Variants in DPP10 observed in about 807,000 individuals in gnomAD.
DPP10 encodes the protein inactive dipeptidyl peptidase 10.
DPP10 carries 33 observed loss-of-function variants against 120.9 expected under a neutral mutation model. The observed-to-expected ratio is 0.27, with a 90% CI of 0.21 to 0.37. The LOEUF (loss-of-function observed/expected upper bound fraction) is 0.37. DPP10 is among the 10% of genes least tolerant of loss of function. The probability of loss-of-function intolerance (pLI) is 1.00; values close to 1 mark genes in which losing one functional copy is unlikely to be tolerated. For missense variants in DPP10, 816 were observed against 942.8 expected (o/e 0.87, Z 1.76); for synonymous variants, 337 against 326.1 (o/e 1.03, Z -0.36).
At chr2:115,642,228 G>T (rs1558967635) in intron 5 of DPP10, among the ~76,000 whole-genome samples, 1 of 151,862 alleles carries the variant, frequency 6.6e-6, no homozygotes, top group Non-Finnish European at 1.5e-5. Context: ...TTAATTCCGT[G>T]TGTCAGTTTT....
chr2:114,925,834 T>C (rs1450651207), intron 1 of DPP10, among the ~76,000 whole-genome samples: 1 of 152,094 alleles, frequency 6.6e-6, no homozygotes, highest in Non-Finnish European at 1.5e-5. Flanking sequence ...GCTAAAATCA[T>C]CCACAGGCTA....
intron 2 of DPP10, among the ~76,000 whole-genome samples, chr2:115,309,928 G>T (rs1209564684): frequency 6.6e-6 from 1 of 152,186 alleles, no homozygotes; most frequent in East Asian, 1.9e-4. Context: ...GTGTTCTTCA[G>T]ATTAAAGAGT....
intron 1 of DPP10, among the ~76,000 whole-genome samples, chr2:115,109,462 G>C (rs1057224627): frequency 6.6e-6 from 1 of 152,040 alleles, no homozygotes; most frequent in African/African-American, 2.4e-5. Context: ...CTTGAAACAA[G>C]GAGGCGGAGG....
intron 1 of DPP10, among the ~76,000 whole-genome samples, chr2:115,163,444 C>T (rs2104989128): frequency 6.6e-6 from 1 of 152,270 alleles, no homozygotes; most frequent in Non-Finnish European, 1.5e-5. Flanking sequence ...TGAATGTTGG[C>T]AGTTCTTACA....
chr2:114,991,941 G>A (rs574596508), intron 1 of DPP10, among the ~76,000 whole-genome samples: 2 of 152,270 alleles, frequency 1.3e-5, no homozygotes, highest in African/African-American at 4.8e-5. Flanking sequence ...AGGTTTACAA[G>A]AACAGACCAC....
At chr2:115,728,298 A>C (rs1440196318) in intron 8 of DPP10, among the ~76,000 whole-genome samples, 1 of 152,030 alleles carries the variant, frequency 6.6e-6, no homozygotes, top group Admixed American at 6.6e-5. Flanking sequence ...TAAAAAAAAA[A>C]AAAAAAAATG....
At chr2:115,777,382 C>G (rs181281122) in intron 14 of DPP10, 83 bp downstream of exon 14, 1 of 1,266,798 alleles carries the variant, frequency 7.9e-7, no homozygotes, top group Non-Finnish European at 1.1e-6. Context: ...GTTTTGCTTA[C>G]CATAGTCCTA....
chr2:115,123,602 G>A (rs186071350), intron 1 of DPP10, among the ~76,000 whole-genome samples: 1 of 152,222 alleles, frequency 6.6e-6, no homozygotes, highest in Non-Finnish European at 1.5e-5. Flanking sequence ...ATCAGGAAGC[G>A]GCTGATGACA....
At chr2:115,389,306 C>T (rs1237927041) in intron 3 of DPP10, among the ~76,000 whole-genome samples, 1 of 151,610 alleles carries the variant, frequency 6.6e-6, no homozygotes, top group Non-Finnish European at 1.5e-5. Context: ...CACACTCATA[C>T]TCATTCTACT....
chr2:115,306,586 TGTAATG>T (rs1254673244), intron 1 of DPP10, among the ~76,000 whole-genome samples: 2 of 152,180 alleles, frequency 1.3e-5, no homozygotes, highest in African/African-American at 4.8e-5. Flanking sequence ...GCTTTAGAAA[TGTAATG>T]GTAATAGAAT....
At chr2:115,433,244 CT>C (rs2071170589) in intron 3 of DPP10, among the ~76,000 whole-genome samples, 1 of 151,990 alleles carries the variant, frequency 6.6e-6, no homozygotes, top group Non-Finnish European at 1.5e-5. Flanking sequence ...TTTCATGCCA[CT>C]GCTTTAGCAA....
chr2:114,772,319 C>A (rs1218009893), intron 1 of DPP10, among the ~76,000 whole-genome samples: 2 of 151,738 alleles, frequency 1.3e-5, no homozygotes, highest in Non-Finnish European at 2.9e-5. Context: ...CACCATGCCT[C>A]GCTAATTGTT....
At chr2:115,538,217 GA>G (rs2078978503) in intron 5 of DPP10, among the ~76,000 whole-genome samples, 1 of 151,984 alleles carries the variant, frequency 6.6e-6, no homozygotes, top group African/African-American at 2.4e-5. Context: ...TGAAGACTTG[GA>G]AAATGCCTCA....
chr2:115,033,594 TTAAAA>T (rs1178719905), intron 1 of DPP10, among the ~76,000 whole-genome samples: 2 of 152,146 alleles, frequency 1.3e-5, no homozygotes, highest in African/African-American at 2.4e-5. Context: ...AAGTGTACTC[TTAAAA>T]TAGAGTAATA....
chr2:114,512,248 C>T (rs1684209531), intron 1 of DPP10, among the ~76,000 whole-genome samples: 1 of 152,126 alleles, frequency 6.6e-6, no homozygotes, highest in Admixed American at 6.5e-5. Flanking sequence ...ACGGTGTCAG[C>T]CTTGTTATTT....
chr2:114,762,131 C>T (rs148301737), intron 1 of DPP10, among the ~76,000 whole-genome samples: 180 of 152,318 alleles, frequency 1.2e-3, no homozygotes, highest in Non-Finnish European at 2.3e-3. Context: ...TATCCACCAC[C>T]TTCTTAGCTT....
chr2:114,663,668 T>TATATATAG, intron 1 of DPP10, among the ~76,000 whole-genome samples: 5 of 80,710 alleles, frequency 6.2e-5, no homozygotes, highest in African/African-American at 2.8e-4. Flanking sequence ...TATATATATA[T>TATATATAG]AGAGAGAGAG....
At chr2:115,012,106 G>A (rs570426167) in intron 1 of DPP10, among the ~76,000 whole-genome samples, 9 of 152,068 alleles carry the variant, frequency 5.9e-5, no homozygotes, top group Non-Finnish European at 1.0e-4. Flanking sequence ...ACCACACCCC[G>A]TCCTCCACAT....
At chr2:114,980,121 A>G (rs1335951142) in intron 1 of DPP10, among the ~76,000 whole-genome samples, 2 of 152,124 alleles carry the variant, frequency 1.3e-5, no homozygotes, top group Admixed American at 1.3e-4. Flanking sequence ...TATAACTGAC[A>G]AATAAAACTT....
Sources: gnomAD v4.1 joint callset for allele counts (sites outside exome capture counted in the v4.1 genomes callset) on GRCh38, gnomAD v4.1.1 for gene constraint, MANE v1.5 for transcripts, NCBI Gene and HGNC (gene_info 2026-07-23, HGNC 2026-07-21) for gene names.